MEX3A: variants seen among roughly 807,000 people sequenced by gnomAD.
The protein encoded by MEX3A is RNA-binding protein MEX3A.
Under a neutral mutation model 30.0 loss-of-function variants are expected in MEX3A, and 4 were observed. That is an observed-to-expected ratio of 0.13 (90% confidence interval 0.07 to 0.30). The LOEUF is 0.30. MEX3A is among the 10% of genes least tolerant of loss of function. The probability of loss-of-function intolerance (pLI) is 1.00; values close to 1 mark genes in which losing one functional copy is unlikely to be tolerated. For missense variants in MEX3A, 555 were observed against 736.7 expected (o/e 0.75, Z 2.86); for synonymous variants, 335 against 327.6 (o/e 1.02, Z -0.24).
Position 156,076,868 on chromosome 1 carries a change from CG to C in MEX3A, c.1268del (p.Pro423ArgfsTer55). ...AAGTGGCAGGGGAGCGGTGTGCGCC[CG>C]GGGGCCCAGCGCGGGCCTTGGCGGA... Reference protein sequence around the residue: ...SSSAKARAGPPGAHRSPATSA... With the variant: ...SSSAKARAGPXGAHRSPATSA... On this transcript the variant is annotated frameshift_variant, in exon 2 of 2. Transcript: ENST00000532414. LOFTEE classifies it high-confidence loss of function. This position sits in a 1 kb window ranked among gnomAD's most constrained non-coding sequence, Gnocchi z 6.0. 2.6e-6 allele frequency: 4 copies of C among 1,537,678 alleles called. No individual in the cohort carries two copies. Among genetic ancestry groups the C allele is most frequent in the South Asian group, 1.2e-5 (1 of 81,300 alleles).
rs1460398841 is a variant in MEX3A at position 156,073,377 on chromosome 1, A to C, written c.*3197T>G. ...TCATTTCTTTGTCCTACAATTTAAAAATCCAAGGATTCTCAGAATCAACCC... is the reference window on the plus strand; with the variant it reads ...TCATTTCTTTGTCCTACAATTTAAACATCCAAGGATTCTCAGAATCAACCC... On this transcript the variant is annotated 3_prime_UTR_variant, in exon 2 of 2. Coordinates refer to ENST00000532414, the MANE Select transcript of MEX3A (RefSeq NM_001093725.2). The C allele has an allele frequency of 6.6e-6, 1 of 152,670 alleles. No homozygotes were observed. The highest frequency in any genetic ancestry group is 6.5e-5 in the Admixed American group (1 of 15,272). 9.5% of individuals were successfully genotyped at this position (152,670 alleles called of 1,614,324 possible).
At position 156,072,830 on chromosome 1, in the gene MEX3A, G is replaced by T. The variant is rs925604908; in HGVS notation, c.*3744C>A. On this transcript the variant is annotated 3_prime_UTR_variant, in exon 2 of 2. Coordinates refer to ENST00000532414, the MANE Select transcript of MEX3A (RefSeq NM_001093725.2). ...CCTTTCTCCCAGGCCTTCAAGGACA[G>T]TGTTTCCACTCCACTCCGTGGGAAG... 1 of 152,476 alleles carries T rather than the reference G, an allele frequency of 6.6e-6. No homozygotes were observed. Among genetic ancestry groups the T allele is most frequent in the Non-Finnish European group, 1.5e-5 (1 of 68,048 alleles). The allele number at this position is 152,476 out of a possible 1,614,324, so 9.4% of individuals were successfully genotyped here. A position where few individuals can be genotyped will look rare whatever the true frequency, so the allele number is the denominator to read the frequency against.
intron 1 of MEX3A, among the ~76,000 whole-genome samples, 161 bp downstream of exon 1, chr1:156,081,384 G>A (rs1448511451): frequency 1.3e-5 from 2 of 152,358 alleles, no homozygotes. Flanking sequence ...GGGTAACGGG[G>A]AACTTTGTGG....
At chr1:156,081,512 A>AGTG in intron 1 of MEX3A, 33 bp downstream of exon 1, 1 of 1,572,516 alleles carries the variant, frequency 6.4e-7, no homozygotes, top group Admixed American at 1.7e-5. Flanking sequence ...CCCCCACTAC[A>AGTG]GTCCCTCTCA....
At position 156,074,446 on chromosome 1, in the gene MEX3A, T is replaced by C. The variant is rs1343314764; in HGVS notation, c.*2128A>G. Reference sequence around the variant, plus strand: ...TGCTATTTTTGTTTTCTCTCCTCTGTGTTGGTCGCCTGTCTCGCTCCCTCT... The same window carrying C: ...TGCTATTTTTGTTTTCTCTCCTCTGCGTTGGTCGCCTGTCTCGCTCCCTCT... On this transcript the variant is annotated 3_prime_UTR_variant, in exon 2 of 2. Transcript: ENST00000532414. 6.6e-6 allele frequency: 1 copy of C among 151,594 alleles called. No homozygotes were observed. The highest frequency in any genetic ancestry group is 1.5e-5 in the Non-Finnish European group (1 of 67,770). 9.4% of individuals were successfully genotyped at this position (151,594 alleles called of 1,614,324 possible). A position where few individuals can be genotyped will look rare whatever the true frequency, so the allele number is the denominator to read the frequency against.
Position 156,081,533 on chromosome 1 carries a change from C to T in MEX3A, c.454+12G>A, listed in dbSNP as rs766310421. 13 of 1,602,110 alleles carry T rather than the reference C, an allele frequency of 8.1e-6. No individual in the cohort carries two copies. Among genetic ancestry groups the T allele is most frequent in the Non-Finnish European group, 1.1e-5 (13 of 1,175,560 alleles). Reference sequence around the variant, plus strand: ...CTACAGTCCCTCTCAGTGGTCCCGGCGCCCCGCTTACCTTGCCTGCCCACG... The same window carrying T: ...CTACAGTCCCTCTCAGTGGTCCCGGTGCCCCGCTTACCTTGCCTGCCCACG... On this transcript the variant is annotated intron_variant, in intron 1 of 1. Coordinates refer to ENST00000532414, the MANE Select transcript of MEX3A (RefSeq NM_001093725.2).
intron 1 of MEX3A, among the ~76,000 whole-genome samples, chr1:156,080,658 G>C (rs1275109089): frequency 6.6e-6 from 1 of 151,976 alleles, no homozygotes; most frequent in Non-Finnish European, 1.5e-5. Flanking sequence ...AGGGATGCTG[G>C]AGCAGCAGAG....
chr1:156,081,670 G>T lies in MEX3A; in HGVS notation c.329C>A (p.Ala110Glu). ...GAGAGCGCAGAGCTTGGCGTCGCTCGCCCCTTTGGGGGCGGTGGGGGGCTG... is the reference window on the plus strand; with the variant it reads ...GAGAGCGCAGAGCTTGGCGTCGCTCTCCCCTTTGGGGGCGGTGGGGGGCTG... The part of the protein sequence containing the change: ...TPQPPTAPKG[A>E]SDAKLCALYK... Residue 110 changes from alanine to glutamate, a missense_variant, in exon 1 of 2, where the codon GCG becomes GAG. Physicochemically the swap from Ala to Glu is moderately radical, Grantham distance 107. This residue lies in a region of MEX3A where 159 missense variants were observed against 159.9 expected (regional missense o/e 0.99). Transcript: ENST00000532414. 1 of 1,496,208 alleles carries T rather than the reference G, an allele frequency of 6.7e-7. No homozygotes were observed. The allele number at this position is 1,496,208 out of a possible 1,614,324, so 92.7% of individuals were successfully genotyped here.
rs1165352300 is a variant in MEX3A, at chr1:156,072,091, C to T, written c.*4483G>A. On this transcript the variant is annotated 3_prime_UTR_variant, in exon 2 of 2. Transcript: ENST00000532414. ...TTAACCCTCCCCCTTCTTGGTTTCT[C>T]TGCATTTTGTGCAACATCACTTTGA... 2 of 152,782 alleles carry T rather than the reference C, an allele frequency of 1.3e-5. No individual in the cohort carries two copies. Among genetic ancestry groups the T allele is most frequent in the South Asian group, 4.1e-4 (2 of 4,832 alleles). 9.5% of individuals were successfully genotyped at this position (152,782 alleles called of 1,614,324 possible). A position where few individuals can be genotyped will look rare whatever the true frequency, so the allele number is the denominator to read the frequency against.
chr1:156,080,670 G>A (rs771488695), intron 1 of MEX3A, among the ~76,000 whole-genome samples: 2 of 151,966 alleles, frequency 1.3e-5, no homozygotes, highest in Non-Finnish European at 2.9e-5. Flanking sequence ...GCAGCAGAGG[G>A]TGTGGTACCA....
Position 156,081,750 on chromosome 1 carries a change from C to T in MEX3A, c.249G>A (p.Pro83=). ...PAAPPQPAPP[P]PPAAPPAAPT... The stretch of plus-strand genomic sequence containing the variant: ...GGGCGGCCGGGGGCGCCGCGGGCGG[C>T]GGCGGCGGGGCCGGCTGCGGGGGGG... The change falls in exon 1 of 2, where the codon CCG becomes CCA. Residue 83 remains proline, a synonymous_variant. Coordinates refer to ENST00000532414, the MANE Select transcript of MEX3A (RefSeq NM_001093725.2). 2 of 849,206 alleles carry T rather than the reference C, an allele frequency of 2.4e-6. No homozygotes were observed. The highest frequency in any genetic ancestry group is 2.8e-6 in the Non-Finnish European group (2 of 708,262). 52.6% of individuals were successfully genotyped at this position (849,206 alleles called of 1,614,324 possible). A position where few individuals can be genotyped will look rare whatever the true frequency, so the allele number is the denominator to read the frequency against.
In MEX3A at chr1:156,074,740, A is replaced by G. The variant is rs928496330; in HGVS notation, c.*1834T>C. The G allele has an allele frequency of 6.6e-6, 1 of 151,212 alleles. No individual in the cohort carries two copies. Among genetic ancestry groups the G allele is most frequent in the African/African-American group, 2.4e-5 (1 of 41,022 alleles). 9.4% of individuals were successfully genotyped at this position (151,212 alleles called of 1,614,324 possible). A position where few individuals can be genotyped will look rare whatever the true frequency, so the allele number is the denominator to read the frequency against. ...GTACAGACATCTCAGGATGGCTCAC[A>G]TAGGCGGGAAGGAGGGAAGTCGTCA... is the stretch of plus-strand genomic sequence containing the variant. On this transcript the variant is annotated 3_prime_UTR_variant, in exon 2 of 2. Transcript: ENST00000532414.
At chr1:156,081,309 G>A (rs149690931) in intron 1 of MEX3A, among the ~76,000 whole-genome samples, 2 of 152,352 alleles carry the variant, frequency 1.3e-5, no homozygotes, top group East Asian at 3.9e-4. Flanking sequence ...TCCAGTGCGA[G>A]GATATTTCTT....
At position 156,076,868 on chromosome 1, in the gene MEX3A, C is replaced by G; in HGVS notation, c.1269G>C (p.Pro423=). 6.5e-7 allele frequency: 1 copy of G among 1,537,680 alleles called. No homozygotes were observed. Among genetic ancestry groups the G allele is most frequent in the African/African-American group, 1.4e-5 (1 of 72,920 alleles). Residue 423 remains proline (P), a synonymous_variant, in exon 2 of 2, where the codon CCG becomes CCC. Transcript: ENST00000532414. The surrounding 1 kb of genome is among the most constrained non-coding windows in gnomAD (Gnocchi z 6.0). ...AAGTGGCAGGGGAGCGGTGTGCGCCCGGGGGCCCAGCGCGGGCCTTGGCGG... is the reference window on the plus strand; with the variant it reads ...AAGTGGCAGGGGAGCGGTGTGCGCCGGGGGGCCCAGCGCGGGCCTTGGCGG... ...SSSAKARAGP[P]GAHRSPATSA...
At chr1:156,079,799 G>A (rs1285899943) in intron 1 of MEX3A, among the ~76,000 whole-genome samples, 1 of 152,172 alleles carries the variant, frequency 6.6e-6, no homozygotes, top group Non-Finnish European at 1.5e-5. Flanking sequence ...TTTAGCGGTT[G>A]GGGTTGGGGT....
At chr1:156,080,189 A>C (rs1648179344) in intron 1 of MEX3A, among the ~76,000 whole-genome samples, 1 of 152,138 alleles carries the variant, frequency 6.6e-6, no homozygotes, top group African/African-American at 2.4e-5. Context: ...GTCCGTCCCC[A>C]CCCAATTCCA....
In MEX3A at chr1:156,081,003, G is replaced by A. The variant is rs553838688; in HGVS notation, c.454+542C>T. Among the ~76,000 whole-genome samples the A allele has an allele frequency of 2.0e-5, 3 of 151,664 alleles. No homozygotes were observed. In the South Asian group the frequency reaches 6.3e-4, roughly 32 times the overall value. ...CCTCCTCTCAGCAGCCCCCCTCACC[G>A]CCTCTTCCCCAGGCTGGGACCCTCC... On this transcript the variant is annotated intron_variant, in intron 1 of 1. Transcript: ENST00000532414.
chr1:156,077,735 G>C lies in MEX3A; in HGVS notation c.455-53C>G. 1 of 1,510,042 alleles carries C rather than the reference G, an allele frequency of 6.6e-7. No individual in the cohort carries two copies. The highest frequency in any genetic ancestry group is 8.8e-7 in the Non-Finnish European group (1 of 1,135,736). The allele number at this position is 1,510,042 out of a possible 1,614,324, so 93.5% of individuals were successfully genotyped here. ...CAAAGAAACGCACACAGCAAGGTTTGTGCTGGGACCAATAAATTCCTGATC... is the reference window on the plus strand; with the variant it reads ...CAAAGAAACGCACACAGCAAGGTTTCTGCTGGGACCAATAAATTCCTGATC... On this transcript the variant is annotated intron_variant, in intron 1 of 1. Transcript: ENST00000532414. This position sits in a 1 kb window ranked among gnomAD's most constrained non-coding sequence, Gnocchi z 8.3.
chr1:156,080,626 C>T (rs566048552), intron 1 of MEX3A, among the ~76,000 whole-genome samples: 1 of 152,078 alleles, frequency 6.6e-6, no homozygotes, highest in Non-Finnish European at 1.5e-5. Flanking sequence ...GGACCTTCAC[C>T]AACACCCCCA....
Sources: allele counts gnomAD v4.1 joint callset (sites outside exome capture counted in the v4.1 genomes callset), GRCh38; gene constraint gnomAD v4.1.1; regional missense constraint gnomAD v4.1.1; non-coding constraint Gnocchi (gnomAD v3.1); transcripts MANE v1.5; gene names NCBI Gene and HGNC (gene_info 2026-07-23, HGNC 2026-07-21).